ZNF521: variants seen among roughly 807,000 people sequenced by gnomAD.
ZNF521 encodes the protein zinc finger protein 521, also known as LYST-interacting protein 3.
A neutral mutation model predicts 105.5 loss-of-function variants in ZNF521; 14 were observed. The ratio of observed to expected loss-of-function variants is 0.13; its 90% CI spans 0.09 to 0.21. The LOEUF (loss-of-function observed/expected upper bound fraction) is 0.21. Ranked by LOEUF, ZNF521 falls within the 10% of genes least tolerant of loss-of-function variation. The pLI is 1.00. For missense variants in ZNF521, 1,233 were observed against 1,629.7 expected (o/e 0.76, Z 4.19); for synonymous variants, 635 against 606.0 (o/e 1.05, Z -0.70).
At chr18:25,206,999 C>A (rs1054362504) in intron 4 of ZNF521, among the ~76,000 whole-genome samples, 2 of 152,136 alleles carry the variant, frequency 1.3e-5, no homozygotes, top group East Asian at 3.8e-4. Context: ...GTTCTTTTAA[C>A]CCCTTGATTT....
chr18:25,344,518 T>C (rs1914375914), intron 2 of ZNF521, among the ~76,000 whole-genome samples: 1 of 152,196 alleles, frequency 6.6e-6, no homozygotes, highest in South Asian at 2.1e-4. Flanking sequence ...TCAGATTTAA[T>C]TGAAATGGAA....
chr18:25,151,262 CCTT>C (rs1435107582), intron 5 of ZNF521, among the ~76,000 whole-genome samples: 12 of 152,274 alleles, frequency 7.9e-5, no homozygotes, highest in Non-Finnish European at 1.8e-4. Flanking sequence ...TGATTCATAT[CCTT>C]CTTCCTTGGC....
chr18:25,240,786 A>C (rs1907265784), intron 3 of ZNF521, among the ~76,000 whole-genome samples: 1 of 151,992 alleles, frequency 6.6e-6, no homozygotes, highest in South Asian at 2.1e-4. Flanking sequence ...TGGGTTCACA[A>C]CCACTACCCT....
intron 7 of ZNF521, among the ~76,000 whole-genome samples, chr18:25,084,729 C>T (rs1292467372): frequency 6.6e-6 from 1 of 152,170 alleles, no homozygotes; most frequent in East Asian, 1.9e-4. Context: ...AAATTTATAA[C>T]AAGAGGCCTG....
intron 7 of ZNF521, among the ~76,000 whole-genome samples, chr18:25,076,482 C>A (rs955182113): frequency 6.6e-6 from 1 of 152,166 alleles, no homozygotes; most frequent in Non-Finnish European, 1.5e-5. Flanking sequence ...TGAATTATCT[C>A]TTATCCCTAT....
intron 5 of ZNF521, among the ~76,000 whole-genome samples, chr18:25,124,663 T>C (rs1375389443): frequency 1.3e-5 from 2 of 152,168 alleles, no homozygotes; most frequent in East Asian, 1.9e-4. Context: ...TTATTTTCAA[T>C]TGGAGAAACA....
chr18:25,135,427 T>C (rs2034716031), intron 5 of ZNF521, among the ~76,000 whole-genome samples: 1 of 151,972 alleles, frequency 6.6e-6, no homozygotes, highest in Non-Finnish European at 1.5e-5. Flanking sequence ...GTTGGAAGGA[T>C]GATGGGGGTT....
chr18:25,236,988 T>G (rs966838283), intron 3 of ZNF521, among the ~76,000 whole-genome samples: 4 of 152,182 alleles, frequency 2.6e-5, no homozygotes, highest in African/African-American at 9.6e-5. Context: ...TTTGAGGACT[T>G]TCCAGTTACC....
At chr18:25,263,798 G>A (rs151012910) in intron 3 of ZNF521, among the ~76,000 whole-genome samples, 3 of 152,090 alleles carry the variant, frequency 2.0e-5, no homozygotes, top group Non-Finnish European at 2.9e-5. Context: ...GGGTGGTCTC[G>A]AACTCCTGAG....
At chr18:25,083,902 C>CT (rs1401039971) in intron 7 of ZNF521, among the ~76,000 whole-genome samples, 1 of 147,994 alleles carries the variant, frequency 6.8e-6, no homozygotes, top group Non-Finnish European at 1.5e-5. Flanking sequence ...TCCTGAGTAC[C>CT]TGGGACCACA....
At chr18:25,190,774 G>T (rs73404946) in intron 5 of ZNF521, among the ~76,000 whole-genome samples, 2,138 of 152,228 alleles carry the variant, frequency 0.014, 58 homozygotes, top group African/African-American at 0.049. Flanking sequence ...GTTAAGAACG[G>T]ATTTACTCAT....
chr18:25,184,348 A>G (rs1220332603), intron 5 of ZNF521, among the ~76,000 whole-genome samples: 1 of 152,148 alleles, frequency 6.6e-6, no homozygotes, highest in African/African-American at 2.4e-5. Flanking sequence ...AATATAGACT[A>G]ATTTAAAGAA....
intron 5 of ZNF521, among the ~76,000 whole-genome samples, chr18:25,099,624 G>A (rs34276564): frequency 6.6e-6 from 1 of 152,094 alleles, no homozygotes; most frequent in African/African-American, 2.4e-5. Flanking sequence ...GTACATCCAT[G>A]ACCAATAAAC....
intron 5 of ZNF521, among the ~76,000 whole-genome samples, chr18:25,126,575 T>C (rs1351313581): frequency 6.6e-6 from 1 of 152,080 alleles, no homozygotes; most frequent in Admixed American, 6.6e-5. Flanking sequence ...AAGTCACTCA[T>C]GAATAACGTT....
intron 3 of ZNF521, among the ~76,000 whole-genome samples, chr18:25,237,706 G>A (rs1054582566): frequency 1.3e-5 from 2 of 152,202 alleles, no homozygotes; most frequent in African/African-American, 4.8e-5. Flanking sequence ...ACTCAATACT[G>A]TCTGTACCAA....
chr18:25,093,654 T>G (rs1048177238), intron 5 of ZNF521, among the ~76,000 whole-genome samples: 44 of 152,182 alleles, frequency 2.9e-4, no homozygotes, highest in Admixed American at 2.8e-3. Context: ...AGCAAAGCAC[T>G]AATTAAGCCA....
At chr18:25,313,819 G>A (rs1230600654) in intron 3 of ZNF521, among the ~76,000 whole-genome samples, 3 of 152,078 alleles carry the variant, frequency 2.0e-5, no homozygotes, top group African/African-American at 7.2e-5. Context: ...AAAGTAAAAT[G>A]CATATAGAGA....
chr18:25,225,276 G>T lies in ZNF521; in HGVS notation c.2642C>A (p.Thr881Asn), dbSNP rs747261186. 6.2e-7 allele frequency: 1 copy of T among 1,614,110 alleles called. No individual in the cohort carries two copies. Among genetic ancestry groups the T allele is most frequent in the Non-Finnish European group, 8.5e-7 (1 of 1,180,018 alleles). ...GTCGCAGCCGTACATAGGCTCAGAG[G>T]TGTCAACGTCTTCTTCGCTCCCATC... ...SHDGSEEDVD[T>N]SEPMYGCDIC... The change falls in exon 4 of 8, where the codon ACC (threonine) becomes AAC (asparagine). Residue 881 changes from threonine (T) to asparagine (N), a missense_variant. Physicochemically the swap from Thr to Asn is moderately conservative, Grantham distance 65. Transcript: ENST00000361524. The surrounding 1 kb of genome is among the most constrained non-coding windows in gnomAD (Gnocchi z 5.6).
chr18:25,268,176 G>T (rs994853497), intron 3 of ZNF521, among the ~76,000 whole-genome samples: 1 of 152,134 alleles, frequency 6.6e-6, no homozygotes, highest in East Asian at 1.9e-4. Flanking sequence ...CAGAGGAAAG[G>T]ATATCAGAGA....
Sources: gnomAD v4.1 joint callset for allele counts (sites outside exome capture counted in the v4.1 genomes callset) on GRCh38, gnomAD v4.1.1 for gene constraint, Gnocchi (gnomAD v3.1) non-coding constraint, MANE v1.5 for transcripts, NCBI Gene and HGNC (gene_info 2026-07-23, HGNC 2026-07-21) for gene names.